Variants in CMSS1 observed in about 807,000 individuals in gnomAD.
The protein encoded by CMSS1 is protein CMSS1.
Under a neutral mutation model 43.5 loss-of-function variants are expected in CMSS1, and 33 were observed. The ratio of observed to expected loss-of-function variants is 0.76; its 90% CI spans 0.57 to 1.01. The LOEUF is 1.01. CMSS1 is among the 50% of genes least tolerant of loss of function. CMSS1 has a pLI of 0.00. For synonymous variants in CMSS1, 115 were observed against 117.2 expected (o/e 0.98, Z 0.12); for missense variants, 313 against 326.4 (o/e 0.96, Z 0.32).
At chr3:99,998,354 G>A (rs911006231) in intron 1 of CMSS1, among the ~76,000 whole-genome samples, 2 of 152,136 alleles carry the variant, frequency 1.3e-5, no homozygotes, top group African/African-American at 4.8e-5. Context: ...GAGTTTAAAT[G>A]TTTGGTGTAG....
At chr3:99,845,673 A>T (rs1335223324) in intron 1 of CMSS1, among the ~76,000 whole-genome samples, 1 of 152,230 alleles carries the variant, frequency 6.6e-6, no homozygotes, top group Non-Finnish European at 1.5e-5. Flanking sequence ...TCAAAATTAA[A>T]GGCCAGAAAT....
chr3:100,010,778 A>ATTTTTTTTTTTTTT (rs11371196), intron 1 of CMSS1, among the ~76,000 whole-genome samples: 13 of 93,668 alleles, frequency 1.4e-4, no homozygotes, highest in African/African-American at 1.8e-4. Flanking sequence ...CCACGCCCGG[A>ATTTTTTTTTTTTTT]TTTTTTTTTT....
chr3:99,980,568 A>C (rs1392562833), intron 1 of CMSS1, among the ~76,000 whole-genome samples: 2 of 152,204 alleles, frequency 1.3e-5, no homozygotes, highest in Non-Finnish European at 2.9e-5. Context: ...AGTTTATTAC[A>C]AACTTAAGAA....
At chr3:99,973,326 G>A (rs1708876680) in intron 1 of CMSS1, among the ~76,000 whole-genome samples, 1 of 152,152 alleles carries the variant, frequency 6.6e-6, no homozygotes, top group African/African-American at 2.4e-5. Flanking sequence ...GATTTTCTGT[G>A]TGTGTATGCA....
intron 1 of CMSS1, among the ~76,000 whole-genome samples, chr3:100,105,798 A>C (rs2066385436): frequency 6.6e-6 from 1 of 152,198 alleles, no homozygotes; most frequent in African/African-American, 2.4e-5. Flanking sequence ...CCTTCTCCAA[A>C]TAGCATACCT....
intron 1 of CMSS1, among the ~76,000 whole-genome samples, chr3:100,146,214 A>C (rs1294152199): frequency 6.6e-6 from 1 of 152,256 alleles, no homozygotes; most frequent in African/African-American, 2.4e-5. Context: ...GAAGAGCTTT[A>C]TAAATAGGAA....
intron 1 of CMSS1, among the ~76,000 whole-genome samples, chr3:99,868,451 G>A (rs1465106043): frequency 6.6e-6 from 1 of 152,198 alleles, no homozygotes; most frequent in East Asian, 1.9e-4. Flanking sequence ...AGCACCAGAT[G>A]ATGAAGGAGC....
chr3:100,171,740 C>A, intron 6 of CMSS1, 99 bp from the exon 7 acceptor site: 1 of 931,218 alleles, frequency 1.1e-6, no homozygotes, highest in Non-Finnish European at 1.8e-6. Context: ...CACACGTATG[C>A]ACACATCCTT....
At chr3:100,072,770 T>C (rs2065784426) in intron 1 of CMSS1, among the ~76,000 whole-genome samples, 1 of 152,188 alleles carries the variant, frequency 6.6e-6, no homozygotes, top group Non-Finnish European at 1.5e-5. Flanking sequence ...GTTATTTAAT[T>C]GGGACAGCTT....
chr3:99,850,751 TTG>T (rs1266717609), intron 1 of CMSS1: 5 of 1,614,074 alleles, frequency 3.1e-6, no homozygotes, highest in Admixed American at 1.7e-5. Context: ...TTCGCCATAA[TTG>T]TGTCTTGGTC....
intron 1 of CMSS1, among the ~76,000 whole-genome samples, chr3:99,957,597 C>T (rs902596436): frequency 6.6e-6 from 1 of 151,546 alleles, no homozygotes; most frequent in Non-Finnish European, 1.5e-5. Context: ...CCTCTGGGGC[C>T]TCCTATGAAC....
At chr3:99,856,190 C>G (rs189237611) in intron 1 of CMSS1, among the ~76,000 whole-genome samples, 33 of 152,324 alleles carry the variant, frequency 2.2e-4, no homozygotes, top group Admixed American at 1.2e-3. Context: ...GTACCTTTGT[C>G]TGATGCCCCA....
intron 1 of CMSS1, among the ~76,000 whole-genome samples, chr3:99,935,526 T>C (rs1707635897): frequency 6.6e-6 from 1 of 152,132 alleles, no homozygotes; most frequent in Non-Finnish European, 1.5e-5. Flanking sequence ...TGTTGTTGCT[T>C]ATAAAATGAG....
chr3:99,835,076 T>C (rs1224460923), intron 1 of CMSS1, among the ~76,000 whole-genome samples: 1 of 152,194 alleles, frequency 6.6e-6, no homozygotes, highest in African/African-American at 2.4e-5. Flanking sequence ...AATCCTAACT[T>C]CTTTGATTGT....
intron 1 of CMSS1, among the ~76,000 whole-genome samples, chr3:100,003,886 A>G (rs1374721645): frequency 2.6e-5 from 4 of 152,236 alleles, no homozygotes; most frequent in Admixed American, 2.6e-4. Flanking sequence ...GCAAATGAAT[A>G]TAAAGAGAGA....
chr3:100,081,817 C>G (rs558999578), intron 1 of CMSS1, among the ~76,000 whole-genome samples: 1 of 152,240 alleles, frequency 6.6e-6, no homozygotes, highest in Admixed American at 6.5e-5. Flanking sequence ...GTCTTAGTTG[C>G]AGAGGGCTGT....
At chr3:99,852,636 G>A (rs1403336123) in intron 1 of CMSS1, among the ~76,000 whole-genome samples, 2 of 152,164 alleles carry the variant, frequency 1.3e-5, no homozygotes, top group East Asian at 3.9e-4. Context: ...AGTAGAGACA[G>A]GGTTTCACCA....
chr3:100,088,761 T>A (rs2066054924), intron 1 of CMSS1, among the ~76,000 whole-genome samples: 1 of 152,142 alleles, frequency 6.6e-6, no homozygotes, highest in South Asian at 2.1e-4. Flanking sequence ...TTTCTTCATA[T>A]TTTTGTCTCT....
At chr3:99,971,759 G>A (rs576551864) in intron 1 of CMSS1, among the ~76,000 whole-genome samples, 1 of 152,270 alleles carries the variant, frequency 6.6e-6, no homozygotes, top group East Asian at 1.9e-4. Flanking sequence ...CTTCTGAAAG[G>A]AGTCCTCTCC....
Sources: allele counts gnomAD v4.1 joint callset (sites outside exome capture counted in the v4.1 genomes callset), GRCh38; gene constraint gnomAD v4.1.1; transcripts MANE v1.5; gene names NCBI Gene and HGNC (gene_info 2026-07-23, HGNC 2026-07-21).